Variants in FAM135B observed in about 807,000 individuals in gnomAD.
FAM135B encodes the protein protein FAM135B.
A neutral mutation model predicts 127.7 loss-of-function variants in FAM135B; 43 were observed. The observed-to-expected ratio is 0.34, with a 90% CI of 0.26 to 0.43. The LOEUF (loss-of-function observed/expected upper bound fraction) is 0.43. Ranked by LOEUF, FAM135B falls within the 20% of genes least tolerant of loss-of-function variation. FAM135B has a pLI of 1.00. For missense variants in FAM135B, 1,558 were observed against 1,725.6 expected (o/e 0.90, Z 1.72); for synonymous variants, 670 against 665.1 (o/e 1.01, Z -0.11).
intron 17 of FAM135B, 61 bp from the exon 18 acceptor site, chr8:138,139,157 A>G: frequency 2.7e-6 from 3 of 1,110,130 alleles, no homozygotes; most frequent in Non-Finnish European, 4.1e-6. Context: ...ACTAACTGGG[A>G]TGGAATTTTG....
At chr8:138,190,873 C>T (rs1303423469) in intron 9 of FAM135B, among the ~76,000 whole-genome samples, 1 of 152,140 alleles carries the variant, frequency 6.6e-6, no homozygotes, top group Non-Finnish European at 1.5e-5. Flanking sequence ...ATCTGGAAGC[C>T]TTGCTCCCCC....
intron 1 of FAM135B, among the ~76,000 whole-genome samples, chr8:138,488,003 CAAAAA>C (rs919621937): frequency 6.8e-6 from 1 of 147,472 alleles, no homozygotes; most frequent in African/African-American, 2.5e-5. Context: ...GACTCTCTCT[CAAAAA>C]AAACAAAAAA....
At chr8:138,314,724 T>TAAATAAATAAATAAA (rs56300482) in intron 2 of FAM135B, among the ~76,000 whole-genome samples, 17 of 149,420 alleles carry the variant, frequency 1.1e-4, no homozygotes, top group South Asian at 2.1e-4. Flanking sequence ...AATAAATAAA[T>TAAATAAATAAATAAA]TAGCTGGGTG....
intron 2 of FAM135B, among the ~76,000 whole-genome samples, chr8:138,312,657 G>A (rs903044286): frequency 2.0e-5 from 3 of 152,142 alleles, no homozygotes; most frequent in Admixed American, 6.5e-5. Flanking sequence ...AAAACACTGT[G>A]GGCCCACCTC....
chr8:138,204,184 A>T (rs1401395907), intron 7 of FAM135B, among the ~76,000 whole-genome samples: 1 of 152,138 alleles, frequency 6.6e-6, no homozygotes, highest in Admixed American at 6.5e-5. Context: ...CTCACCTGCT[A>T]TCTCTTGTTT....
chr8:138,148,440 A>G, intron 14 of FAM135B, 80 bp downstream of exon 14: 1 of 1,137,058 alleles, frequency 8.8e-7, no homozygotes, highest in Non-Finnish European at 1.3e-6. Flanking sequence ...TTGAATGAAT[A>G]CCTCATCTAA....
Position 138,146,066 on chromosome 8 carries a change from A to G in FAM135B, c.3449-16T>C, listed in dbSNP as rs2130660604. On this transcript the variant is annotated splice_polypyrimidine_tract_variant and intron_variant, in intron 14 of 19. Transcript: ENST00000395297. ...GCACTGTTCCCTAAAAATGACAGAT[A>G]ACCCCCATCCCAGTCCCGTAGTTAG... 5 of 1,408,972 alleles carry G rather than the reference A, an allele frequency of 3.5e-6. No homozygotes were observed. Among genetic ancestry groups the G allele is most frequent in the Non-Finnish European group, 5.0e-6 (5 of 996,868 alleles). 87.3% of individuals were successfully genotyped at this position (1,408,972 alleles called of 1,614,324 possible).
intron 3 of FAM135B, among the ~76,000 whole-genome samples, chr8:138,302,683 C>T (rs541446302): frequency 2.0e-5 from 3 of 152,332 alleles, no homozygotes; most frequent in Non-Finnish European, 4.4e-5. Flanking sequence ...AGGAGGCCCT[C>T]CTGAGCCCTG....
intron 1 of FAM135B, among the ~76,000 whole-genome samples, chr8:138,489,938 C>T (rs1236826108): frequency 6.6e-6 from 1 of 152,242 alleles, no homozygotes; most frequent in African/African-American, 2.4e-5. Context: ...TCCTTCTCTG[C>T]TCTCAGGTCT....
intron 1 of FAM135B, among the ~76,000 whole-genome samples, chr8:138,463,139 T>G (rs958152326): frequency 1.3e-5 from 2 of 152,174 alleles, no homozygotes; most frequent in African/African-American, 4.8e-5. Context: ...AAATTTTTGG[T>G]GAAAAGCACA....
intron 3 of FAM135B, among the ~76,000 whole-genome samples, chr8:138,267,250 A>G (rs1205004150): frequency 6.6e-6 from 1 of 152,034 alleles, no homozygotes; most frequent in East Asian, 1.9e-4. Flanking sequence ...AGAAGTCATC[A>G]CTCTGCAAAC....
rs182262560 is a variant in FAM135B, at chr8:138,167,751, A to G, written c.1258+144T>C. 2,894 of 968,534 alleles carry G rather than the reference A, an allele frequency of 3.0e-3. 10 individuals are homozygous for G. Among genetic ancestry groups the G allele is most frequent in the Non-Finnish European group, 3.7e-3 (2,495 of 675,602 alleles). The allele number at this position is 968,534 out of a possible 1,614,324, so 60.0% of individuals were successfully genotyped here. ...CATGGAAACAAAGTCATTTCAAACC[A>G]TTACTTTGTTTCCTCTCTATGAACT... On this transcript the variant is annotated intron_variant, in intron 12 of 19. Coordinates refer to ENST00000395297, the MANE Select transcript of FAM135B (RefSeq NM_015912.4).
intron 4 of FAM135B, among the ~76,000 whole-genome samples, chr8:138,262,300 G>C (rs749807123): frequency 2.6e-5 from 4 of 152,180 alleles, no homozygotes; most frequent in Admixed American, 6.5e-5. Context: ...CCCAAACCCA[G>C]CCTCCATCAC....
chr8:138,155,048 A>G (rs1818583201), intron 12 of FAM135B, among the ~76,000 whole-genome samples: 1 of 152,226 alleles, frequency 6.6e-6, no homozygotes, highest in Non-Finnish European at 1.5e-5. Context: ...CCAGAGAGAA[A>G]GATTGGGTTA....
rs2130690297 is a variant in FAM135B, at chr8:138,148,576, T to A, written c.3392A>T (p.Glu1131Val). 6.2e-7 allele frequency: 1 copy of A among 1,614,030 alleles called. No homozygotes were observed. Among genetic ancestry groups the A allele is most frequent in the Non-Finnish European group, 8.5e-7 (1 of 1,179,886 alleles). Reference protein sequence around the residue: ...SDIPYFPPEEEEENLEDGIHL... With the variant: ...SDIPYFPPEEVEENLEDGIHL... ...AATTCCATCTTCCAAATTTTCTTCC[T>A]CTTCCTCTGGTGGGAAATATGGTAT... The change falls in exon 14 of 20, where the codon GAG becomes GTG. Residue 1131 changes from glutamate (E) to valine (V), a missense_variant. Transcript: ENST00000395297.
chr8:138,189,973 G>T (rs941558011), intron 9 of FAM135B, among the ~76,000 whole-genome samples: 8 of 152,154 alleles, frequency 5.3e-5, no homozygotes, highest in African/African-American at 1.9e-4. Flanking sequence ...TATAGCCCCA[G>T]CAGCACAACC....
Position 138,148,688 on chromosome 8 carries a change from T to C in FAM135B, c.3282-2A>G. ...AATTTTTCTTTGGCCTGATAAAAAC[T>C]GGAGAATACACTAATTAATCACAAG... On this transcript the variant is annotated splice_acceptor_variant, in intron 13 of 19. Transcript: ENST00000395297. LOFTEE classifies it high-confidence loss of function. 3 of 1,598,646 alleles carry C rather than the reference T, an allele frequency of 1.9e-6. No homozygotes were observed. The highest frequency in any genetic ancestry group is 2.6e-6 in the Non-Finnish European group (3 of 1,170,356).
Position 138,392,679 on chromosome 8 carries a change from T to C in FAM135B, c.-19-24677A>G, listed in dbSNP as rs555365358. Among the ~76,000 whole-genome samples the C allele has an allele frequency of 5.9e-5, 9 of 152,308 alleles. No homozygotes were observed. The South Asian group carries it at 1.9e-3, about 32-fold the overall frequency. ...GCTTTGTGACCTTAGACAAGTAACT[T>C]AGTGTCTTCTGAGCATCTAGGTACT... On this transcript the variant is annotated intron_variant, in intron 1 of 19. Coordinates refer to ENST00000395297, the MANE Select transcript of FAM135B (RefSeq NM_015912.4).
At chr8:138,299,250 T>C (rs899463937) in intron 3 of FAM135B, among the ~76,000 whole-genome samples, 12 of 151,914 alleles carry the variant, frequency 7.9e-5, no homozygotes, top group African/African-American at 1.7e-4. Flanking sequence ...TTCTACAACA[T>C]GTGTTTTCAA....
Sources: allele counts gnomAD v4.1 joint callset (sites outside exome capture counted in the v4.1 genomes callset), GRCh38; gene constraint gnomAD v4.1.1; transcripts MANE v1.5; gene names NCBI Gene and HGNC (gene_info 2026-07-23, HGNC 2026-07-21).